The following TRPC7 variants were observed in gnomAD, a reference collection of about 807,000 sequenced individuals.
The protein encoded by TRPC7 is short transient receptor potential channel 7.
Under a neutral mutation model 90.1 loss-of-function variants are expected in TRPC7, and 42 were observed. That is an observed-to-expected ratio of 0.47 (90% CI 0.36 to 0.60). The LOEUF (loss-of-function observed/expected upper bound fraction) is 0.60. Among genes scored for constraint, TRPC7 ranks in the 20% least tolerant of loss-of-function variants. The pLI is 0.00. For missense variants in TRPC7, 955 were observed against 1,112.3 expected (o/e 0.86, Z 2.01); for synonymous variants, 451 against 436.3 (o/e 1.03, Z -0.42).
At chr5:136,293,423 A>G (rs538101031) in intron 3 of TRPC7, among the ~76,000 whole-genome samples, 2 of 152,370 alleles carry the variant, frequency 1.3e-5, no homozygotes, top group South Asian at 4.1e-4. Context: ...CCTTAAGCTG[A>G]TAAGCAACTT....
chr5:136,297,762 A>G (rs1457137040), intron 3 of TRPC7, among the ~76,000 whole-genome samples: 1 of 152,224 alleles, frequency 6.6e-6, no homozygotes, highest in African/African-American at 2.4e-5. Flanking sequence ...ACTCAGTGAC[A>G]ATAGTCATAG....
chr5:136,215,507 A>G (rs539060889), intron 11 of TRPC7, among the ~76,000 whole-genome samples: 1 of 152,278 alleles, frequency 6.6e-6, no homozygotes, highest in East Asian at 1.9e-4. Context: ...GGTGGAACCA[A>G]TTCAATCACA....
At chr5:136,335,499 ATTAAT>A (rs1426012024) in intron 2 of TRPC7, among the ~76,000 whole-genome samples, 2 of 152,050 alleles carry the variant, frequency 1.3e-5, no homozygotes, top group East Asian at 3.9e-4. Flanking sequence ...CAGGCATGGT[ATTAAT>A]TTAAGTCCTT....
intron 3 of TRPC7, among the ~76,000 whole-genome samples, chr5:136,293,244 C>G (rs1251619711): frequency 1.2e-4 from 18 of 152,182 alleles, no homozygotes. Flanking sequence ...CAGGGATGCC[C>G]TCTCTCACCA....
chr5:136,296,108 G>GTGGTGTGGTGTGGTA (rs555205115), intron 3 of TRPC7, among the ~76,000 whole-genome samples: 113 of 152,300 alleles, frequency 7.4e-4, no homozygotes, highest in African/African-American at 2.6e-3. Context: ...AAGGATATTT[G>GTGGTGTGGTGTGGTA]TGGTGTGGTG....
At chr5:136,346,575 G>A (rs1332809219) in intron 2 of TRPC7, among the ~76,000 whole-genome samples, 7 of 151,826 alleles carry the variant, frequency 4.6e-5, no homozygotes, top group South Asian at 2.1e-4. Flanking sequence ...CAACACACAC[G>A]GACACACACA....
intron 3 of TRPC7, 114 bp downstream of exon 3, chr5:136,315,483 G>T: frequency 9.0e-7 from 1 of 1,115,842 alleles, no homozygotes; most frequent in Non-Finnish European, 1.3e-6. Context: ...AGAGAATCTG[G>T]GTGTCATCAT....
intron 3 of TRPC7, among the ~76,000 whole-genome samples, chr5:136,285,325 T>C (rs1192427786): frequency 6.6e-6 from 1 of 152,188 alleles, no homozygotes; most frequent in East Asian, 1.9e-4. Flanking sequence ...TACTCCCATG[T>C]ACAAAGAGCA....
At chr5:136,223,874 TA>T (rs1365463709) in intron 10 of TRPC7, among the ~76,000 whole-genome samples, 1 of 152,190 alleles carries the variant, frequency 6.6e-6, no homozygotes, top group Non-Finnish European at 1.5e-5. Flanking sequence ...CTTTGGTCTG[TA>T]AAATAGCTCA....
At position 136,266,321 on chromosome 5, in the gene TRPC7, GT is replaced by G; in HGVS notation, c.1243del (p.Thr415ProfsTer17). On this transcript the variant is annotated frameshift_variant, in exon 5 of 12. Coordinates refer to ENST00000513104, the MANE Select transcript of TRPC7 (RefSeq NM_020389.3). LOFTEE classifies it high-confidence loss of function. The part of the protein sequence containing the change: ...NASDRFEGVK[T>X]LPNETFTDYP... ...GTCTGTGAAGGTTTCGTTTGGCAGG[GT>G]TTTAACACCTTCAAATCGGTCAGAT... 6.2e-7 allele frequency: 1 copy of G among 1,613,896 alleles called. No individual in the cohort carries two copies. The highest frequency in any genetic ancestry group is 8.5e-7 in the Non-Finnish European group (1 of 1,179,822).
chr5:136,298,462 G>T (rs1342362781), intron 3 of TRPC7, among the ~76,000 whole-genome samples: 2 of 152,178 alleles, frequency 1.3e-5, no homozygotes, highest in Non-Finnish European at 2.9e-5. Context: ...GGGGCAAAAA[G>T]ATGCTAGTGT....
intron 3 of TRPC7, among the ~76,000 whole-genome samples, chr5:136,298,465 G>A (rs548459261): frequency 1.3e-5 from 2 of 152,302 alleles, no homozygotes; most frequent in Admixed American, 1.3e-4. Context: ...GCAAAAAGAT[G>A]CTAGTGTCCT....
At chr5:136,357,410 T>C (rs747700363) in intron 1 of TRPC7, 25 bp from the exon 2 acceptor site, 10 of 1,560,032 alleles carry the variant, frequency 6.4e-6, no homozygotes, top group Non-Finnish European at 4.3e-6. Context: ...AAAGATGCCC[T>C]GTTACTTTCC....
chr5:136,213,288 C>T lies in TRPC7; in HGVS notation c.*147G>A, dbSNP rs1755151590. The T allele has an allele frequency of 6.2e-6, 5 of 807,910 alleles. No homozygotes were observed. In the Admixed American group the frequency reaches 8.6e-5, roughly 14 times the overall value. The allele number at this position is 807,910 out of a possible 1,614,324, so 50.0% of individuals were successfully genotyped here. A position where few individuals can be genotyped will look rare whatever the true frequency, so the allele number is the denominator to read the frequency against. On this transcript the variant is annotated 3_prime_UTR_variant, in exon 12 of 12. Coordinates refer to ENST00000513104, the MANE Select transcript of TRPC7 (RefSeq NM_020389.3). ...AGGCAGGCCAGCGGGCTGGAGATGT[C>T]AGTCATGCTGCAAGAGACTGAGCCA...
chr5:136,218,265 T>A (rs866025116), intron 10 of TRPC7, among the ~76,000 whole-genome samples: 6 of 150,820 alleles, frequency 4.0e-5, no homozygotes, highest in African/African-American at 2.4e-5. Context: ...GCTTTCACTT[T>A]GAGTTGGAAA....
chr5:136,224,079 C>A (rs1477510098), intron 10 of TRPC7, among the ~76,000 whole-genome samples: 1 of 152,158 alleles, frequency 6.6e-6, no homozygotes, highest in Non-Finnish European at 1.5e-5. Context: ...AGTTAGAGAC[C>A]TGTATCTAAA....
intron 2 of TRPC7, among the ~76,000 whole-genome samples, chr5:136,345,662 T>C (rs1759984085): frequency 6.6e-6 from 1 of 152,242 alleles, no homozygotes; most frequent in African/African-American, 2.4e-5. Flanking sequence ...CTGTTCACTC[T>C]GATGGTAGTT....
chr5:136,287,056 T>G (rs1006194138), intron 3 of TRPC7, among the ~76,000 whole-genome samples: 2 of 152,182 alleles, frequency 1.3e-5, no homozygotes, highest in Non-Finnish European at 2.9e-5. Context: ...GACAGCACTG[T>G]AGTCCAGATG....
At chr5:136,347,032 A>T (rs1760028730) in intron 2 of TRPC7, among the ~76,000 whole-genome samples, 1 of 152,222 alleles carries the variant, frequency 6.6e-6, no homozygotes. Context: ...GCATTATAAC[A>T]GAGGCAGAGA....
Sources: allele counts gnomAD v4.1 joint callset (sites outside exome capture counted in the v4.1 genomes callset), GRCh38; gene constraint gnomAD v4.1.1; transcripts MANE v1.5; gene names NCBI Gene and HGNC (gene_info 2026-07-23, HGNC 2026-07-21).